EPB41L4A: variants seen among roughly 807,000 people sequenced by gnomAD.
EPB41L4A encodes the protein band 4.1-like protein 4A.
Under a neutral mutation model 108.6 loss-of-function variants are expected in EPB41L4A, and 100 were observed. That is an observed-to-expected ratio of 0.92 (90% CI 0.78 to 1.09). The LOEUF is 1.09. EPB41L4A is among the 50% of genes least tolerant of loss of function. The pLI, the probability that EPB41L4A is intolerant of heterozygous loss-of-function variation, is 0.00. For missense variants in EPB41L4A, 1,030 were observed against 842.7 expected (o/e 1.22, Z -2.75); for synonymous variants, 319 against 289.0 (o/e 1.10, Z -1.05).
chr5:112,186,000 G>A (rs543853583), intron 17 of EPB41L4A, among the ~76,000 whole-genome samples: 9 of 152,134 alleles, frequency 5.9e-5, no homozygotes, highest in Non-Finnish European at 7.4e-5. Flanking sequence ...AGACAATCAC[G>A]GGGAAGGTGC....
At position 112,397,109 on chromosome 5, in the gene EPB41L4A, C is replaced by T. The variant is rs1177369420; in HGVS notation, c.99+21832G>A. Among the ~76,000 whole-genome samples the T allele has an allele frequency of 2.6e-5, 4 of 152,172 alleles. No individual in the cohort carries two copies. In the East Asian group the frequency reaches 7.7e-4, roughly 29 times the overall value. On this transcript the variant is annotated intron_variant, in intron 1 of 22. Transcript: ENST00000261486. ...TTTCTACGCTTCCCTCTTTTGGAGT[C>T]CCCAGTGTCTGTTATTTCCATCTTT...
At chr5:112,335,661 G>A (rs1756871869) in intron 1 of EPB41L4A, among the ~76,000 whole-genome samples, 1 of 152,192 alleles carries the variant, frequency 6.6e-6, no homozygotes, top group Non-Finnish European at 1.5e-5. Context: ...TACTGCAAGT[G>A]CCTCCTAACT....
intron 1 of EPB41L4A, among the ~76,000 whole-genome samples, chr5:112,397,001 C>T (rs1449280092): frequency 6.6e-6 from 1 of 151,890 alleles, no homozygotes; most frequent in Non-Finnish European, 1.5e-5. Flanking sequence ...TATTGCATAC[C>T]CATGGGAACT....
rs139993586 is a variant in EPB41L4A at position 112,385,243 on chromosome 5, G to A, written c.99+33698C>T. Reference sequence around the variant, plus strand: ...AAATGCTCCCCTCTGATAAAAAGATGCATAGCTGTATCAATTGGGGACCCG... The same window carrying A: ...AAATGCTCCCCTCTGATAAAAAGATACATAGCTGTATCAATTGGGGACCCG... On this transcript the variant is annotated intron_variant, in intron 1 of 22. Transcript: ENST00000261486. Among the ~76,000 whole-genome samples the A allele has an allele frequency of 2.7e-3, 408 of 152,256 alleles. 2 individuals carry two copies. Among genetic ancestry groups the A allele is most frequent in the African/African-American group, 9.4e-3 (390 of 41,558 alleles).
At chr5:112,389,794 C>T (rs191533333) in intron 1 of EPB41L4A, among the ~76,000 whole-genome samples, 1 of 152,234 alleles carries the variant, frequency 6.6e-6, no homozygotes, top group Non-Finnish European at 1.5e-5. Context: ...ATAATTTCAT[C>T]TTTTGACAAT....
rs35793398 is a variant in EPB41L4A, at chr5:112,261,885, A to ATTT, written c.642+606_642+608dup. 0.016 allele frequency among the ~76,000 whole-genome samples: 1,804 copies of ATTT among 112,356 alleles called. 110 individuals are homozygous for ATTT. The East Asian group carries it at 0.22, about 13-fold the overall frequency. 73.7% of individuals were successfully genotyped at this position (112,356 alleles called of 152,430 possible). A position where few individuals can be genotyped will look rare whatever the true frequency, so the allele number is the denominator to read the frequency against. On this transcript the variant is annotated intron_variant, in intron 7 of 22. Transcript: ENST00000261486. The stretch of plus-strand genomic sequence containing the variant: ...GTCTAATACAGTCAATTACACACCA[A>ATTT]TTTTTTTTTTTTTTTTTTTTTTGAG...
At chr5:112,332,910 A>G (rs987561805) in intron 1 of EPB41L4A, among the ~76,000 whole-genome samples, 2 of 152,216 alleles carry the variant, frequency 1.3e-5, no homozygotes, top group African/African-American at 4.8e-5. Context: ...CATACCATCA[A>G]GACATTAGTG....
chr5:112,196,800 C>T (rs1761985252), intron 15 of EPB41L4A: 1 of 152,276 alleles, frequency 6.6e-6, no homozygotes, highest in South Asian at 2.1e-4. Context: ...CAAGTGGGGC[C>T]ACACCACGGT....
At position 112,266,237 on chromosome 5, in the gene EPB41L4A, G is replaced by A; in HGVS notation, c.429C>T (p.Ile143=). 1.2e-6 allele frequency: 2 copies of A among 1,604,806 alleles called. No homozygotes were observed. The highest frequency in any genetic ancestry group is 2.2e-5 in the East Asian group (1 of 44,758). ...ATATGCTTAAGTGGCACCTACACTG[G>A]ATGGCATACGCTCCCAGCTGAGCAG... ...NTAAQLGAYA[I]QSELGDYDPY... The change falls in exon 5 of 23, where the codon ATC becomes ATT. Residue 143 remains isoleucine (I), a synonymous_variant. Coordinates refer to ENST00000261486, the MANE Select transcript of EPB41L4A (RefSeq NM_022140.5).
chr5:112,410,481 CAG>C (rs1379689363), intron 1 of EPB41L4A, among the ~76,000 whole-genome samples: 2 of 152,094 alleles, frequency 1.3e-5, no homozygotes, highest in Admixed American at 6.5e-5. Flanking sequence ...GCAATGAAAA[CAG>C]GGGAAAAGAA....
chr5:112,269,779 A>G lies in EPB41L4A; in HGVS notation c.336-3449T>C, dbSNP rs150546252. 3.5e-3 allele frequency among the ~76,000 whole-genome samples: 538 copies of G among 152,334 alleles called. 3 individuals are homozygous for G. The highest frequency in any genetic ancestry group is 0.013 in the African/African-American group (521 of 41,582). ...ACTAAAAATATCTACTTAACAAGGA[A>G]GTTTCCAGAATACATTGTGGTACAC... On this transcript the variant is annotated intron_variant, in intron 4 of 22. Transcript: ENST00000261486.
intron 18 of EPB41L4A, among the ~76,000 whole-genome samples, chr5:112,178,254 G>GA (rs1397554726): frequency 6.6e-6 from 1 of 152,018 alleles, no homozygotes; most frequent in Admixed American, 6.5e-5. Flanking sequence ...CATCAGGAAG[G>GA]AAAAAACCAT....
chr5:112,195,931 C>T (rs980252568), intron 15 of EPB41L4A, among the ~76,000 whole-genome samples: 19 of 152,096 alleles, frequency 1.2e-4, no homozygotes, highest in African/African-American at 4.3e-4. Flanking sequence ...ACCTGCAAAC[C>T]GTCCGAATTC....
rs770502474 is a variant in EPB41L4A at position 112,194,572 on chromosome 5, TTC to T, written c.1496_1497del (p.Arg499LysfsTer8). ...ATTATAATATTGAGATATTACCTGT[TTC>T]TCTTTTTCCGGTATTCTCTATTAGA... ...ENSNREYRKK[R>X]NRIRQENDMV... On this transcript the variant is annotated frameshift_variant, in exon 17 of 23. Transcript: ENST00000261486. LOFTEE classifies it high-confidence loss of function. 1 of 1,577,384 alleles carries T rather than the reference TTC, an allele frequency of 6.3e-7. No individual in the cohort carries two copies. Among genetic ancestry groups the T allele is most frequent in the Non-Finnish European group, 8.7e-7 (1 of 1,151,246 alleles).
chr5:112,302,451 G>A (rs756186819), intron 2 of EPB41L4A, among the ~76,000 whole-genome samples: 3 of 152,166 alleles, frequency 2.0e-5, no homozygotes, highest in African/African-American at 4.8e-5. Flanking sequence ...TGAGATACAT[G>A]AGAGGCATCC....
chr5:112,156,796 G>A (rs57338300), intron 12 of EPB41L4A, among the ~76,000 whole-genome samples: 1,664 of 152,216 alleles, frequency 0.011, 28 homozygotes, highest in African/African-American at 0.037. Flanking sequence ...GAAGTTCAGT[G>A]AAAAGATGAT....
intron 12 of EPB41L4A, among the ~76,000 whole-genome samples, chr5:112,154,263 C>T (rs1241792607): frequency 1.3e-5 from 2 of 152,148 alleles, no homozygotes; most frequent in East Asian, 1.9e-4. Context: ...CTTTCTAGCA[C>T]CAGTGAATAC....
intron 12 of EPB41L4A, among the ~76,000 whole-genome samples, chr5:112,226,880 C>T (rs1331295944): frequency 6.6e-6 from 1 of 150,576 alleles, no homozygotes; most frequent in East Asian, 2.0e-4. Flanking sequence ...TGAAAACACT[C>T]TAGAGATTGG....
chr5:112,318,269 G>A (rs1755554428), intron 1 of EPB41L4A, among the ~76,000 whole-genome samples: 1 of 152,130 alleles, frequency 6.6e-6, no homozygotes, highest in Non-Finnish European at 1.5e-5. Context: ...AAACAAAGCA[G>A]TCCACAAGGA....
Sources: allele counts gnomAD v4.1 joint callset (sites outside exome capture counted in the v4.1 genomes callset), GRCh38; gene constraint gnomAD v4.1.1; transcripts MANE v1.5; gene names NCBI Gene and HGNC (gene_info 2026-07-23, HGNC 2026-07-21).